Variants in CATSPERB observed in about 807,000 individuals in gnomAD.
The protein encoded by CATSPERB is catsper channel auxiliary subunit beta, also known as cation channel sperm-associated auxiliary subunit beta.
In CATSPERB, 93 loss-of-function variants were observed where a neutral mutation model predicts 128.3. The ratio of observed to expected loss-of-function variants is 0.72; its 90% CI spans 0.61 to 0.86. The LOEUF (loss-of-function observed/expected upper bound fraction) is 0.86, where lower values mean the gene tolerates loss of function less well. Among genes scored for constraint, CATSPERB ranks in the 40% least tolerant of loss-of-function variants. The pLI is 0.00. For synonymous variants in CATSPERB, 381 were observed against 448.8 expected, an observed-to-expected ratio of 0.85 and a Z score of 1.91; for missense variants, 1,153 against 1,329.5, an observed-to-expected ratio of 0.87 and a Z score of 2.06.
At chr14:91,722,448 A>G (rs993541593) in intron 4 of CATSPERB, among the ~76,000 whole-genome samples, 7 of 152,206 alleles carry the variant, frequency 4.6e-5, no homozygotes, top group African/African-American at 1.7e-4. Flanking sequence ...TCAGAGTTAG[A>G]AAATCTATAG....
At chr14:91,607,072 T>G (rs1893719370) in intron 22 of CATSPERB, among the ~76,000 whole-genome samples, 1 of 23,920 alleles carries the variant, frequency 4.2e-5, no homozygotes, top group African/African-American at 1.8e-4. Context: ...TTCCTAATTG[T>G]GTGTGTGTGG....
chr14:91,675,362 A>T (rs898924712), intron 11 of CATSPERB, among the ~76,000 whole-genome samples: 3 of 152,146 alleles, frequency 2.0e-5, no homozygotes, highest in Non-Finnish European at 4.4e-5. Flanking sequence ...TGCCTACTAC[A>T]CTTTGCTGGT....
intron 15 of CATSPERB, among the ~76,000 whole-genome samples, chr14:91,650,926 T>G (rs1009543173): frequency 2.6e-5 from 4 of 152,178 alleles, no homozygotes; most frequent in African/African-American, 9.6e-5. Flanking sequence ...ATTTTTAATA[T>G]TCTATAATTT....
At chr14:91,655,380 A>T (rs904342786) in intron 15 of CATSPERB, among the ~76,000 whole-genome samples, 3 of 152,234 alleles carry the variant, frequency 2.0e-5, no homozygotes, top group East Asian at 1.9e-4. Context: ...GAGATATGTG[A>T]CCTTTCAGAC....
chr14:91,681,164 C>T (rs1334296645), intron 11 of CATSPERB, among the ~76,000 whole-genome samples: 1 of 152,116 alleles, frequency 6.6e-6, no homozygotes, highest in Non-Finnish European at 1.5e-5. Flanking sequence ...TACGTTTAGC[C>T]AACGTTTCAT....
intron 14 of CATSPERB, among the ~76,000 whole-genome samples, chr14:91,662,578 A>T (rs1374627798): frequency 6.6e-6 from 1 of 152,230 alleles, no homozygotes; most frequent in African/African-American, 2.4e-5. Context: ...TTGGTGGGAC[A>T]TAGGATATGC....
At chr14:91,608,993 AT>A (rs1893769216) in intron 21 of CATSPERB, among the ~76,000 whole-genome samples, 1 of 152,236 alleles carries the variant, frequency 6.6e-6, no homozygotes, top group African/African-American at 2.4e-5. Flanking sequence ...GTCGATTAAT[AT>A]ATATTTTGTA....
intron 18 of CATSPERB, among the ~76,000 whole-genome samples, chr14:91,622,774 TGAAA>T (rs367816547): frequency 5.8e-4 from 88 of 152,296 alleles, no homozygotes; most frequent in African/African-American, 1.9e-3. Flanking sequence ...TAAAACTTCC[TGAAA>T]GAGTTACCTT....
intron 15 of CATSPERB, among the ~76,000 whole-genome samples, chr14:91,644,221 A>G (rs1326315337): frequency 2.5e-5 from 3 of 121,100 alleles, no homozygotes; most frequent in African/African-American, 3.2e-5. Context: ...TTTAAAGTTA[A>G]TATTGTTATG....
intron 5 of CATSPERB, among the ~76,000 whole-genome samples, chr14:91,711,607 G>C (rs1895840860): frequency 6.6e-6 from 1 of 152,154 alleles, no homozygotes; most frequent in Non-Finnish European, 1.5e-5. Context: ...AAAGGTGAAA[G>C]GATGAAAAAA....
At chr14:91,610,779 C>T in intron 20 of CATSPERB, 102 bp from the exon 21 acceptor site, 1 of 1,071,868 alleles carries the variant, frequency 9.3e-7, no homozygotes, top group South Asian at 1.5e-5. Context: ...TCCAGTATCT[C>T]AAAATGTGGC....
At chr14:91,673,992 T>C (rs1895147687) in intron 12 of CATSPERB, among the ~76,000 whole-genome samples, 184 bp downstream of exon 12, 2 of 152,126 alleles carry the variant, frequency 1.3e-5, no homozygotes, top group Admixed American at 6.6e-5. Context: ...GAACCATTGC[T>C]TAGGTCCTGA....
intron 6 of CATSPERB, 57 bp downstream of exon 6, chr14:91,708,084 C>T: frequency 8.3e-7 from 1 of 1,209,726 alleles, no homozygotes; most frequent in Non-Finnish European, 1.2e-6. Flanking sequence ...TAGCGGATGT[C>T]AAAGTTTGTT....
intron 22 of CATSPERB, among the ~76,000 whole-genome samples, chr14:91,602,257 G>A (rs1337768150): frequency 6.6e-6 from 1 of 152,088 alleles, no homozygotes; most frequent in Non-Finnish European, 1.5e-5. Context: ...TTCTGTACTT[G>A]TAAGAGGTCA....
chr14:91,702,742 T>C (rs1895673145), intron 7 of CATSPERB, among the ~76,000 whole-genome samples: 1 of 151,716 alleles, frequency 6.6e-6, no homozygotes, highest in Non-Finnish European at 1.5e-5. Context: ...CTTGGAATCA[T>C]ATTGAATTGA....
intron 22 of CATSPERB, among the ~76,000 whole-genome samples, chr14:91,593,401 C>A (rs969269825): frequency 6.6e-6 from 1 of 152,230 alleles, no homozygotes; most frequent in African/African-American, 2.4e-5. Context: ...CTGTACCCTG[C>A]AAAGCCACAG....
chr14:91,594,279 A>G (rs1013344822), intron 22 of CATSPERB, among the ~76,000 whole-genome samples: 1 of 152,046 alleles, frequency 6.6e-6, no homozygotes, highest in African/African-American at 2.4e-5. Flanking sequence ...TTGAACAATG[A>G]GAACACATGG....
At chr14:91,691,293 T>C (rs561584511) in intron 10 of CATSPERB, among the ~76,000 whole-genome samples, 7 of 152,290 alleles carry the variant, frequency 4.6e-5, no homozygotes, top group East Asian at 3.9e-4. Flanking sequence ...GGAGCACTTC[T>C]TCCTTTGAAG....
intron 19 of CATSPERB, among the ~76,000 whole-genome samples, chr14:91,620,948 A>G (rs1894031334): frequency 1.3e-5 from 2 of 152,248 alleles, no homozygotes; most frequent in African/African-American, 4.8e-5. Flanking sequence ...AAATATAACA[A>G]TACCAAAGTA....
Sources: allele counts gnomAD v4.1 joint callset (sites outside exome capture counted in the v4.1 genomes callset), GRCh38; gene constraint gnomAD v4.1.1; transcripts MANE v1.5; gene names NCBI Gene and HGNC (gene_info 2026-07-23, HGNC 2026-07-21).